The following DMBT1 variants were observed in gnomAD, a reference collection of about 807,000 sequenced individuals.
DMBT1 encodes the protein deleted in malignant brain tumors 1, also known as scavenger receptor cysteine-rich domain-containing protein DMBT1.
In DMBT1, 198 loss-of-function variants were observed where a neutral mutation model predicts 252.9. The observed-to-expected ratio is 0.78, with a 90% CI of 0.70 to 0.88. The LOEUF is 0.88. Ranked by LOEUF, DMBT1 falls within the 40% of genes least tolerant of loss-of-function variation. The pLI is 0.00. For synonymous variants in DMBT1, 990 were observed against 942.7 expected (o/e 1.05, Z -0.92); for missense variants, 2,432 against 2,404.7 (o/e 1.01, Z -0.24).
At chr10:122,617,872 C>A in intron 40 of DMBT1, 145 bp from the exon 41 acceptor site, 1 of 1,429,468 alleles carries the variant, frequency 7.0e-7, no homozygotes, top group Non-Finnish European at 9.5e-7. Flanking sequence ...TATGATAAAG[C>A]TGAACCTCCG....
chr10:122,591,593 T>C (rs2097849616), intron 19 of DMBT1, 76 bp downstream of exon 19: 1 of 1,462,864 alleles, frequency 6.8e-7, no homozygotes, highest in Non-Finnish European at 9.4e-7. Context: ...AATGATAGGA[T>C]GAGGGTCAAG....
At chr10:122,598,644 T>C in intron 25 of DMBT1, 130 bp from the exon 26 acceptor site, 4 of 1,540,666 alleles carry the variant, frequency 2.6e-6, no homozygotes, top group African/African-American at 1.4e-5. Flanking sequence ...TCTCTGATTT[T>C]ATTCATATTC....
chr10:122,636,599 C>T (rs927274318), intron 53 of DMBT1, among the ~76,000 whole-genome samples: 4 of 152,174 alleles, frequency 2.6e-5, no homozygotes, highest in Non-Finnish European at 5.9e-5. Flanking sequence ...TGAAGATGGA[C>T]TGAGCTGGGT....
At chr10:122,634,844 G>C (rs2098213552) in intron 52 of DMBT1, among the ~76,000 whole-genome samples, 1 of 152,146 alleles carries the variant, frequency 6.6e-6, no homozygotes, top group African/African-American at 2.4e-5. Flanking sequence ...GGGTGGCCCA[G>C]CTAACTGTGA....
At chr10:122,598,058 G>A (rs1486770278) in intron 25 of DMBT1, 46 bp downstream of exon 25, 4 of 1,612,322 alleles carry the variant, frequency 2.5e-6, no homozygotes, top group Admixed American at 1.7e-5. Context: ...CTCTACCTCT[G>A]GACAAATGTT....
At chr10:122,577,782 T>C (rs755888132) in intron 7 of DMBT1, 29 bp from the exon 8 acceptor site, 3 of 1,613,084 alleles carry the variant, frequency 1.9e-6, no homozygotes, top group Non-Finnish European at 2.5e-6. Flanking sequence ...GAGTGTTTGG[T>C]GTCTAATGTT....
At chr10:122,637,381 C>G in intron 54 of DMBT1, 69 bp downstream of exon 54, 1 of 1,412,300 alleles carries the variant, frequency 7.1e-7, no homozygotes, top group Non-Finnish European at 9.4e-7. Flanking sequence ...TCCTGTGCTT[C>G]TTGAATTCTG....
At chr10:122,600,748 C>A (rs879377552) in intron 27 of DMBT1, among the ~76,000 whole-genome samples, 17 of 152,108 alleles carry the variant, frequency 1.1e-4, no homozygotes, top group Non-Finnish European at 2.2e-4. Context: ...GTGGGGGCAT[C>A]CTCTAAGAGA....
chr10:122,600,477 G>A (rs143484810), intron 27 of DMBT1, among the ~76,000 whole-genome samples: 1,633 of 152,282 alleles, frequency 0.011, 13 homozygotes, highest in Middle Eastern at 0.041. Flanking sequence ...GGGCAGGCTC[G>A]ATACCCCCAT....
intron 55 of DMBT1, 80 bp from the exon 56 acceptor site, chr10:122,643,042 A>T: frequency 6.4e-7 from 1 of 1,550,930 alleles, no homozygotes; most frequent in Non-Finnish European, 8.8e-7. Context: ...CAGGCTGTGG[A>T]GTTCCTCACC....
In DMBT1 at chr10:122,643,517, G is replaced by T. The variant is rs996492130; in HGVS notation, c.*119G>T. 130 of 1,362,000 alleles carry T rather than the reference G, an allele frequency of 9.5e-5. No individual in the cohort carries two copies. Among genetic ancestry groups the T allele is most frequent in the Non-Finnish European group, 1.3e-4 (128 of 1,015,932 alleles). The allele number at this position is 1,362,000 out of a possible 1,614,324, so 84.4% of individuals were successfully genotyped here. On this transcript the variant is annotated 3_prime_UTR_variant, in exon 56 of 56. Coordinates refer to ENST00000338354, the MANE Select transcript of DMBT1 (RefSeq NM_001377530.1). ...TGAGCCCTACATTGTGCTGCACCTG[G>T]TCATACGGAGTTGAATCAGACCTGG...
chr10:122,591,544 G>C (rs1378203408), intron 19 of DMBT1, 27 bp downstream of exon 19: 1 of 1,571,548 alleles, frequency 6.4e-7, no homozygotes, highest in Non-Finnish European at 8.7e-7. Flanking sequence ...CCCCTCCCTA[G>C]GGCTCACTCT....
At chr10:122,625,076 C>CT (rs774659045) in intron 44 of DMBT1, among the ~76,000 whole-genome samples, 6 of 152,216 alleles carry the variant, frequency 3.9e-5, no homozygotes, top group Non-Finnish European at 8.8e-5. Flanking sequence ...AGGGTTCAAT[C>CT]TACTTTCAGG....
chr10:122,627,097 T>A (rs1249252099), intron 46 of DMBT1, among the ~76,000 whole-genome samples: 1 of 152,188 alleles, frequency 6.6e-6, no homozygotes. Flanking sequence ...AAGATTTTAA[T>A]CTTGAGAATT....
chr10:122,578,831 C>G, intron 9 of DMBT1, 72 bp downstream of exon 9: 1 of 1,419,766 alleles, frequency 7.0e-7, no homozygotes, highest in South Asian at 1.2e-5. Context: ...TCATAGTTCA[C>G]TTATGATTGC....
intron 44 of DMBT1, 85 bp downstream of exon 44, chr10:122,621,465 T>C (rs2098068033): frequency 6.3e-7 from 1 of 1,585,138 alleles, no homozygotes. Context: ...ATCTCCTCAC[T>C]CAAAGCTTCT....
intron 8 of DMBT1, 115 bp downstream of exon 8, chr10:122,577,955 A>T: frequency 8.7e-7 from 1 of 1,152,660 alleles, no homozygotes; most frequent in Non-Finnish European, 1.2e-6. Context: ...ATATTATTTC[A>T]CCCCCAACTC....
chr10:122,625,206 G>T (rs2098109006), intron 44 of DMBT1, 71 bp from the exon 45 acceptor site: 11 of 1,443,558 alleles, frequency 7.6e-6, no homozygotes, highest in South Asian at 4.8e-5. Flanking sequence ...ATGGGGACAG[G>T]CACTCAGCAT....
chr10:122,590,508 G>A (rs1157308930), intron 17 of DMBT1, among the ~76,000 whole-genome samples, 157 bp from the exon 18 acceptor site: 1 of 148,664 alleles, frequency 6.7e-6, no homozygotes, highest in East Asian at 2.1e-4. Context: ...TGCCTTTCAA[G>A]GAGCATCTTT....
Sources: gnomAD v4.1 joint callset for allele counts (sites outside exome capture counted in the v4.1 genomes callset) on GRCh38, gnomAD v4.1.1 for gene constraint, MANE v1.5 for transcripts, NCBI Gene and HGNC (gene_info 2026-07-23, HGNC 2026-07-21) for gene names.